Variants in HIBADH observed in about 807,000 individuals in gnomAD.
HIBADH encodes the protein 3-hydroxyisobutyrate dehydrogenase, also known as 3-hydroxyisobutyrate dehydrogenase, mitochondrial.
Under a neutral mutation model 36.1 loss-of-function variants are expected in HIBADH, and 25 were observed. The ratio of observed to expected loss-of-function variants is 0.69; its 90% CI spans 0.50 to 0.97. HIBADH has a LOEUF of 0.97. HIBADH is among the 50% of genes least tolerant of loss of function. HIBADH has a pLI of 0.00. For synonymous variants in HIBADH, 160 were observed against 149.5 expected (o/e 1.07, Z -0.51); for missense variants, 421 against 418.0 (o/e 1.01, Z -0.06).
chr7:27,650,459 T>TA (rs1786163450), intron 1 of HIBADH, among the ~76,000 whole-genome samples: 1 of 131,902 alleles, frequency 7.6e-6, no homozygotes, highest in African/African-American at 2.7e-5. Context: ...CCTTATTATA[T>TA]TTTTATTTAT....
chr7:27,534,534 A>G (rs935323001), intron 6 of HIBADH, among the ~76,000 whole-genome samples: 2 of 152,138 alleles, frequency 1.3e-5, no homozygotes, highest in Admixed American at 1.3e-4. Context: ...GAGAAGTGCC[A>G]TATCTTATCC....
chr7:27,560,693 C>T (rs192264467), intron 4 of HIBADH, among the ~76,000 whole-genome samples: 4 of 152,310 alleles, frequency 2.6e-5, no homozygotes, highest in Admixed American at 6.5e-5. Flanking sequence ...CATTCCATTA[C>T]GTGCATATAC....
chr7:27,525,934 A>G lies in HIBADH; in HGVS notation c.*280T>C. 1 of 210,464 alleles carries G rather than the reference A, an allele frequency of 4.8e-6. No homozygotes were observed. Among genetic ancestry groups the G allele is most frequent in the South Asian group, 1.6e-4 (1 of 6,212 alleles). 13.0% of individuals were successfully genotyped at this position (210,464 alleles called of 1,614,324 possible). ...GATAATATCCTGATTGAAGTATTCAATGATTTAGTTGAGGATGCTTGGGGA... is the reference window on the plus strand; with the variant it reads ...GATAATATCCTGATTGAAGTATTCAGTGATTTAGTTGAGGATGCTTGGGGA... On this transcript the variant is annotated 3_prime_UTR_variant, in exon 8 of 8. Transcript: ENST00000265395.
chr7:27,577,330 ATTTT>A (rs34081161), intron 4 of HIBADH, among the ~76,000 whole-genome samples: 1 of 151,428 alleles, frequency 6.6e-6, no homozygotes, highest in Admixed American at 6.6e-5. Flanking sequence ...CACCTGACTT[ATTTT>A]TTATTTTTAG....
At chr7:27,612,588 G>A (rs1360139764) in intron 4 of HIBADH, among the ~76,000 whole-genome samples, 1 of 151,574 alleles carries the variant, frequency 6.6e-6, no homozygotes, top group African/African-American at 2.4e-5. Context: ...CTCCCAAAGT[G>A]CTGGGATTAC....
intron 1 of HIBADH, among the ~76,000 whole-genome samples, chr7:27,654,731 C>T (rs556261324): frequency 6.6e-6 from 1 of 151,906 alleles, no homozygotes; most frequent in East Asian, 1.9e-4. Context: ...CTCTGTCGCC[C>T]AGGCTAGAGT....
chr7:27,594,276 T>A (rs1326864087), intron 4 of HIBADH, among the ~76,000 whole-genome samples: 1 of 151,582 alleles, frequency 6.6e-6, no homozygotes, highest in Non-Finnish European at 1.5e-5. Context: ...CCCGAATAGC[T>A]GGGATTACAG....
intron 4 of HIBADH, among the ~76,000 whole-genome samples, chr7:27,570,925 T>G (rs1784618833): frequency 6.6e-6 from 1 of 152,130 alleles, no homozygotes; most frequent in Non-Finnish European, 1.5e-5. Context: ...TTCTGAAAAA[T>G]TCTCAGATAT....
intron 7 of HIBADH, among the ~76,000 whole-genome samples, chr7:27,528,445 T>A (rs1268607370): frequency 2.6e-5 from 4 of 152,140 alleles, no homozygotes; most frequent in Admixed American, 6.5e-5. Flanking sequence ...AAATTACAAA[T>A]GCTATTCCAG....
chr7:27,569,266 A>T (rs1361720066), intron 4 of HIBADH, among the ~76,000 whole-genome samples: 1 of 152,202 alleles, frequency 6.6e-6, no homozygotes, highest in Non-Finnish European at 1.5e-5. Flanking sequence ...CAGCTGTTTT[A>T]AAATCACTGC....
rs1314187682 is a variant in HIBADH, at chr7:27,649,592, T to C, written c.133A>G (p.Ile45Val). The C allele has an allele frequency of 1.2e-6, 2 of 1,613,948 alleles. No individual in the cohort carries two copies. Among genetic ancestry groups the C allele is most frequent in the Non-Finnish European group, 1.7e-6 (2 of 1,179,868 alleles). The change falls in exon 2 of 8, where the codon ATT (isoleucine) becomes GTT (valine). Residue 45 changes from isoleucine to valine, a missense_variant. Coordinates refer to ENST00000265395, the MANE Select transcript of HIBADH (RefSeq NM_152740.4). ...SVASKTPVGF[I>V]GLGNMGNPMA... The stretch of plus-strand genomic sequence containing the variant: ...GGATTCCCCATGTTGCCCAGTCCAA[T>C]GAATCCAACTGGAGTCTTTGAAGCC...
At chr7:27,583,786 T>C (rs1784823641) in intron 4 of HIBADH, among the ~76,000 whole-genome samples, 1 of 152,048 alleles carries the variant, frequency 6.6e-6, no homozygotes, top group African/African-American at 2.4e-5. Context: ...CTTTTGTTTA[T>C]GTGGATTATA....
At chr7:27,539,634 G>A (rs1784117716) in intron 5 of HIBADH, among the ~76,000 whole-genome samples, 1 of 152,100 alleles carries the variant, frequency 6.6e-6, no homozygotes, top group Non-Finnish European at 1.5e-5. Context: ...ACTACAAATA[G>A]AGAGGACTAT....
intron 4 of HIBADH, among the ~76,000 whole-genome samples, chr7:27,601,696 T>C (rs2128290363): frequency 6.6e-6 from 1 of 152,266 alleles, no homozygotes; most frequent in Non-Finnish European, 1.5e-5. Context: ...GTATTCTGGC[T>C]TTTTAATAAT....
chr7:27,602,221 T>C (rs775872675), intron 4 of HIBADH, among the ~76,000 whole-genome samples: 2 of 150,388 alleles, frequency 1.3e-5, no homozygotes, highest in African/African-American at 2.4e-5. Flanking sequence ...GCTATAAGGA[T>C]GAAATGTTTT....
intron 4 of HIBADH, among the ~76,000 whole-genome samples, chr7:27,557,041 G>A (rs1784399696): frequency 6.6e-6 from 1 of 151,866 alleles, no homozygotes; most frequent in South Asian, 2.1e-4. Flanking sequence ...TCAGGAGGCT[G>A]AGGCAGGAGG....
rs1562657286 is a variant in HIBADH at position 27,645,381 on chromosome 7, T to TG, written c.252+4091_252+4092insC. Among the ~76,000 whole-genome samples, 11 of 129,394 alleles carry TG rather than the reference T, an allele frequency of 8.5e-5. 1 individual carries two copies. The highest frequency in any genetic ancestry group is 3.8e-3 in the Middle Eastern group (1 of 262). 84.9% of individuals were successfully genotyped at this position (129,394 alleles called of 152,430 possible). ...CTCATGGTTTTGATTTTTTTTTTTT[T>TG]TTTTTTTTTTTTTTGAGACAGAGTC... On this transcript the variant is annotated intron_variant, in intron 2 of 7. Coordinates refer to ENST00000265395, the MANE Select transcript of HIBADH (RefSeq NM_152740.4).
intron 1 of HIBADH, among the ~76,000 whole-genome samples, chr7:27,656,226 G>C (rs1167503652): frequency 6.6e-6 from 1 of 152,032 alleles, no homozygotes; most frequent in South Asian, 2.1e-4. Flanking sequence ...TTACAAACAA[G>C]GTGCCCAACT....
chr7:27,556,201 A>T (rs557508678), intron 4 of HIBADH, among the ~76,000 whole-genome samples: 13 of 152,310 alleles, frequency 8.5e-5, no homozygotes, highest in South Asian at 4.1e-4. Flanking sequence ...GATACACGAT[A>T]GTCATTCTGT....
Sources: gnomAD v4.1 joint callset for allele counts (sites outside exome capture counted in the v4.1 genomes callset) on GRCh38, gnomAD v4.1.1 for gene constraint, MANE v1.5 for transcripts, NCBI Gene and HGNC (gene_info 2026-07-23, HGNC 2026-07-21) for gene names.